Variants in MCTP1 observed in about 807,000 individuals in gnomAD.
MCTP1 encodes the protein multiple C2 and transmembrane domain-containing protein 1.
In MCTP1, 69 loss-of-function variants were observed where a neutral mutation model predicts 120.6. The observed-to-expected ratio is 0.57, with a 90% confidence interval of 0.47 to 0.70. MCTP1 has a LOEUF of 0.70. MCTP1 is among the 30% of genes least tolerant of loss of function. The probability of loss-of-function intolerance (pLI) is 0.00; values close to 1 mark genes in which losing one functional copy is unlikely to be tolerated. For synonymous variants in MCTP1, 529 were observed against 493.1 expected (o/e 1.07, Z -0.96); for missense variants, 1,203 against 1,248.8 (o/e 0.96, Z 0.55).
rs1290223729 is a variant in MCTP1, at chr5:94,870,975, T to G, written c.2140-2A>C. 1 of 1,612,284 alleles carries G rather than the reference T, an allele frequency of 6.2e-7. No homozygotes were observed. Among genetic ancestry groups the G allele is most frequent in the African/African-American group, 1.3e-5 (1 of 74,798 alleles). On this transcript the variant is annotated splice_acceptor_variant, in intron 14 of 22. Coordinates refer to ENST00000515393, the MANE Select transcript of MCTP1 (RefSeq NM_024717.7). LOFTEE classifies it high-confidence loss of function. Reference sequence around the variant, plus strand: ...GGCTTTCTGTTCACCATTTTGAATCTGCGGGAAAAGGACATGACAGCCGTC... The same window carrying G: ...GGCTTTCTGTTCACCATTTTGAATCGGCGGGAAAAGGACATGACAGCCGTC...
At chr5:95,177,550 A>G (rs180957798) in intron 1 of MCTP1, among the ~76,000 whole-genome samples, 8 of 152,376 alleles carry the variant, frequency 5.3e-5, no homozygotes, top group Non-Finnish European at 7.3e-5. Context: ...AAGCTCTATT[A>G]TCCAGTTATA....
chr5:95,035,227 C>T (rs1388495926), intron 1 of MCTP1, among the ~76,000 whole-genome samples: 2 of 151,790 alleles, frequency 1.3e-5, no homozygotes, highest in African/African-American at 2.4e-5. Context: ...TGGCCATCTA[C>T]CCGAAGGAAA....
chr5:94,757,306 C>T (rs10066070), intron 19 of MCTP1, among the ~76,000 whole-genome samples: 42,926 of 151,970 alleles, frequency 0.28, 6,944 homozygotes, highest in Non-Finnish European at 0.38. Flanking sequence ...CTTAGATAAA[C>T]GGAAAGAACA....
At chr5:94,920,109 T>C (rs989664242) in intron 7 of MCTP1, among the ~76,000 whole-genome samples, 4 of 152,328 alleles carry the variant, frequency 2.6e-5, no homozygotes, top group Admixed American at 2.6e-4. Flanking sequence ...TTAATCGTGG[T>C]CCAACAAAAT....
chr5:95,035,486 A>G (rs1194652066), intron 1 of MCTP1, among the ~76,000 whole-genome samples: 2 of 152,082 alleles, frequency 1.3e-5, no homozygotes, highest in African/African-American at 4.8e-5. Context: ...CACATACCAC[A>G]TGTTCTCACT....
chr5:94,942,457 A>G (rs1817948667), intron 3 of MCTP1, 30 bp from the exon 4 acceptor site: 1 of 1,480,068 alleles, frequency 6.8e-7, no homozygotes, highest in Admixed American at 1.7e-5. Flanking sequence ...AAGCCTTGTT[A>G]TAAATATCTC....
At chr5:95,274,474 C>G (rs1759652039) in intron 1 of MCTP1, among the ~76,000 whole-genome samples, 1 of 152,110 alleles carries the variant, frequency 6.6e-6, no homozygotes, top group African/African-American at 2.4e-5. Context: ...TACTTAGGAA[C>G]CTTCTCCCAT....
At chr5:95,032,445 C>G (rs1180892544) in intron 1 of MCTP1, among the ~76,000 whole-genome samples, 1 of 152,040 alleles carries the variant, frequency 6.6e-6, no homozygotes, top group Non-Finnish European at 1.5e-5. Flanking sequence ...ACTCTCAAAA[C>G]CATACAAGTA....
At chr5:94,741,930 T>C (rs1765614883) in intron 19 of MCTP1, among the ~76,000 whole-genome samples, 1 of 152,190 alleles carries the variant, frequency 6.6e-6, no homozygotes, top group African/African-American at 2.4e-5. Flanking sequence ...TTAGGGTTGT[T>C]AGATGCCTCA....
chr5:94,766,277 T>C (rs973420715), intron 19 of MCTP1, among the ~76,000 whole-genome samples: 2 of 152,160 alleles, frequency 1.3e-5, no homozygotes, highest in Admixed American at 6.5e-5. Context: ...ACAACCCAAA[T>C]GTCCATCAAT....
At chr5:94,766,872 A>G (rs1308051847) in intron 19 of MCTP1, among the ~76,000 whole-genome samples, 1 of 152,200 alleles carries the variant, frequency 6.6e-6, no homozygotes, top group Non-Finnish European at 1.5e-5. Flanking sequence ...AGAACTAACA[A>G]TTCTTTTCAA....
At chr5:95,105,923 C>T (rs941562141) in intron 1 of MCTP1, among the ~76,000 whole-genome samples, 5 of 152,144 alleles carry the variant, frequency 3.3e-5, no homozygotes, top group African/African-American at 7.2e-5. Flanking sequence ...TTTCGAGGCT[C>T]AGAAACTCCA....
At chr5:94,731,609 C>A (rs1352864789) in intron 19 of MCTP1, among the ~76,000 whole-genome samples, 2 of 152,140 alleles carry the variant, frequency 1.3e-5, no homozygotes, top group African/African-American at 2.4e-5. Flanking sequence ...AGGAAAGTTA[C>A]AACAATCTGC....
intron 17 of MCTP1, among the ~76,000 whole-genome samples, chr5:94,851,026 A>T (rs985125214): frequency 1.3e-5 from 2 of 152,136 alleles, no homozygotes; most frequent in African/African-American, 4.8e-5. Context: ...TTAAGAAAAT[A>T]TTGAATACTT....
chr5:94,966,948 C>T (rs1561941104), intron 2 of MCTP1, among the ~76,000 whole-genome samples: 1 of 152,182 alleles, frequency 6.6e-6, no homozygotes, highest in Non-Finnish European at 1.5e-5. Context: ...CTTTGTTCCC[C>T]TCAAAACTAG....
rs141828420 is a variant in MCTP1, at chr5:95,112,341, T to C, written c.721-94857A>G. 6.2e-4 allele frequency among the ~76,000 whole-genome samples: 94 copies of C among 152,358 alleles called. 4 individuals carry two copies. In the East Asian group the frequency reaches 0.015, roughly 24 times the overall value. The stretch of plus-strand genomic sequence containing the variant: ...TGGATTTAATCACTTTATTAAATAC[T>C]GTGCTTAAAACTTTCCATGGTATTT... On this transcript the variant is annotated intron_variant, in intron 1 of 22. Transcript: ENST00000515393.
chr5:94,726,247 G>A (rs972096055), intron 19 of MCTP1, among the ~76,000 whole-genome samples: 2 of 152,182 alleles, frequency 1.3e-5, no homozygotes, highest in Non-Finnish European at 2.9e-5. Flanking sequence ...TGGCACCTGA[G>A]CAGAATGTTC....
chr5:94,903,777 G>A (rs1310011442), intron 10 of MCTP1, among the ~76,000 whole-genome samples: 3 of 152,130 alleles, frequency 2.0e-5, no homozygotes, highest in Non-Finnish European at 4.4e-5. Context: ...ACAAGCATTT[G>A]GCACACTAAT....
At chr5:95,170,040 G>T (rs910590038) in intron 1 of MCTP1, among the ~76,000 whole-genome samples, 3 of 152,098 alleles carry the variant, frequency 2.0e-5, no homozygotes, top group Non-Finnish European at 4.4e-5. Context: ...TTTCTCTTGT[G>T]GACATTTAGT....
Sources: gnomAD v4.1 joint callset for allele counts (sites outside exome capture counted in the v4.1 genomes callset) on GRCh38, gnomAD v4.1.1 for gene constraint, MANE v1.5 for transcripts, NCBI Gene and HGNC (gene_info 2026-07-23, HGNC 2026-07-21) for gene names.